The following TFCP2L1 variants were observed in gnomAD, a reference collection of about 807,000 sequenced individuals.
TFCP2L1 encodes transcription factor CP2-like protein 1.
A neutral mutation model predicts 72.2 loss-of-function variants in TFCP2L1; 12 were observed. That is an observed-to-expected ratio of 0.17 (90% CI 0.11 to 0.27). The LOEUF (loss-of-function observed/expected upper bound fraction) is 0.27. TFCP2L1 is among the 10% of genes least tolerant of loss of function. The pLI, the probability that TFCP2L1 is intolerant of heterozygous loss-of-function variation, is 1.00. For missense variants in TFCP2L1, 488 were observed against 624.6 expected, an observed-to-expected ratio of 0.78 and a Z score of 2.33; for synonymous variants, 260 against 251.0, an observed-to-expected ratio of 1.04 and a Z score of -0.34.
At position 121,224,218 on chromosome 2, in the gene TFCP2L1, T is replaced by C. The variant is rs1573351933; in HGVS notation, c.*123A>G. The C allele has an allele frequency of 9.1e-7, 1 of 1,102,330 alleles. No homozygotes were observed. The highest frequency in any genetic ancestry group is 1.3e-6 in the Non-Finnish European group (1 of 748,290). 68.3% of individuals were successfully genotyped at this position (1,102,330 alleles called of 1,614,324 possible). A position where few individuals can be genotyped will look rare whatever the true frequency, so the allele number is the denominator to read the frequency against. On this transcript the variant is annotated 3_prime_UTR_variant, in exon 15 of 15. Coordinates refer to ENST00000263707, the MANE Select transcript of TFCP2L1 (RefSeq NM_014553.3). Reference sequence around the variant, plus strand: ...TTGGTGCTCTGTAGCTTTCACAGACTGGGCAGGGTCCCTCCTGGCCTCAGC... The same window carrying C: ...TTGGTGCTCTGTAGCTTTCACAGACCGGGCAGGGTCCCTCCTGGCCTCAGC...
At chr2:121,260,402 T>C (rs1289808789) in intron 2 of TFCP2L1, among the ~76,000 whole-genome samples, 2 of 152,110 alleles carry the variant, frequency 1.3e-5, no homozygotes, top group Admixed American at 6.5e-5. Context: ...CTTGTGAGGA[T>C]TAAATGAGAT....
At position 121,224,085 on chromosome 2, in the gene TFCP2L1, C is replaced by T; in HGVS notation, c.*256G>A. On this transcript the variant is annotated 3_prime_UTR_variant, in exon 15 of 15. Coordinates refer to ENST00000263707, the MANE Select transcript of TFCP2L1 (RefSeq NM_014553.3). ...CCCTTTTAGAACGTCAGGGTTGGAC[C>T]AATAGAAAAGAACAAGGAACCATTC... 2 of 559,788 alleles carry T rather than the reference C, an allele frequency of 3.6e-6. No individual in the cohort carries two copies. The highest frequency in any genetic ancestry group is 6.4e-6 in the Non-Finnish European group (2 of 313,324). The allele number at this position is 559,788 out of a possible 1,614,324, so 34.7% of individuals were successfully genotyped here. A position where few individuals can be genotyped will look rare whatever the true frequency, so the allele number is the denominator to read the frequency against.
intron 7 of TFCP2L1, chr2:121,240,610 G>C (rs1004186199): frequency 8.1e-5 from 80 of 985,316 alleles, no homozygotes; most frequent in Non-Finnish European, 9.0e-5. Context: ...CTGTGGCAAG[G>C]GCTTGGACAG....
At chr2:121,264,602 C>T (rs560283471) in intron 2 of TFCP2L1, among the ~76,000 whole-genome samples, 50 of 152,352 alleles carry the variant, frequency 3.3e-4, no homozygotes, top group East Asian at 2.7e-3. Flanking sequence ...GCCTTGCTGT[C>T]TGCTATCTGG....
chr2:121,239,765 C>T (rs1006820403), intron 7 of TFCP2L1, 116 bp from the exon 8 acceptor site: 3 of 1,037,796 alleles, frequency 2.9e-6, no homozygotes, highest in Non-Finnish European at 4.1e-6. Context: ...ACCTGTGAAA[C>T]GCAGCCTGCG....
intron 4 of TFCP2L1, 52 bp downstream of exon 4, chr2:121,248,930 G>A: frequency 7.1e-7 from 1 of 1,408,456 alleles, no homozygotes; most frequent in Non-Finnish European, 9.6e-7. Context: ...AGAACCCAAT[G>A]TGGCCTGGGT....
chr2:121,240,110 T>C (rs1339088153), intron 7 of TFCP2L1: 23 of 984,862 alleles, frequency 2.3e-5, no homozygotes, highest in Non-Finnish European at 2.7e-5. Context: ...CCTGTGCTAT[T>C]TGAAAAAAGA....
Position 121,285,135 on chromosome 2 carries a change from G to C in TFCP2L1, c.-26C>G. 2.7e-6 allele frequency: 4 copies of C among 1,473,604 alleles called. No homozygotes were observed. The highest frequency in any genetic ancestry group is 3.6e-6 in the Non-Finnish European group (4 of 1,109,802). The allele number at this position is 1,473,604 out of a possible 1,614,324, so 91.3% of individuals were successfully genotyped here. A position where few individuals can be genotyped will look rare whatever the true frequency, so the allele number is the denominator to read the frequency against. ...GGCTGGAACTCCCAGCGCGCCGACC[G>C]GGGCGCGGCAGCAAGCGCAGACGCG... On this transcript the variant is annotated 5_prime_UTR_variant, in exon 1 of 15. Coordinates refer to ENST00000263707, the MANE Select transcript of TFCP2L1 (RefSeq NM_014553.3).
At chr2:121,267,306 C>T (rs1046561261) in intron 2 of TFCP2L1, among the ~76,000 whole-genome samples, 1 of 152,172 alleles carries the variant, frequency 6.6e-6, no homozygotes, top group Non-Finnish European at 1.5e-5. Context: ...CTATCTCAGC[C>T]TTCCAAGTAG....
chr2:121,224,754 A>G (rs1439608814), intron 14 of TFCP2L1, among the ~76,000 whole-genome samples: 2 of 151,980 alleles, frequency 1.3e-5, no homozygotes, highest in Non-Finnish European at 2.9e-5. Flanking sequence ...AGGCCAAGGC[A>G]GGCGGATCTC....
In TFCP2L1 at chr2:121,281,265, C is replaced by T; in HGVS notation, c.69G>A (p.Val23=). Residue 23 remains valine (V), a synonymous_variant, in exon 2 of 15, where the codon GTG becomes GTA. Transcript: ENST00000263707. ...CCTGCTTGAAGATGGGCAGAGCGAG[C>T]ACATCACTGCAACACACGGGAAGCA... The part of the protein sequence containing the change: ...QHNSGSYLRD[V]LALPIFKQEE... 1 of 1,601,344 alleles carries T rather than the reference C, an allele frequency of 6.2e-7. No individual in the cohort carries two copies.
At chr2:121,263,046 C>T (rs1686856560) in intron 2 of TFCP2L1, among the ~76,000 whole-genome samples, 2 of 152,104 alleles carry the variant, frequency 1.3e-5, no homozygotes, top group South Asian at 2.1e-4. Context: ...AGCAATTCTT[C>T]TGCCTCAGCC....
chr2:121,237,200 C>A (rs1002331937), intron 10 of TFCP2L1, among the ~76,000 whole-genome samples: 1 of 152,220 alleles, frequency 6.6e-6, no homozygotes, highest in Non-Finnish European at 1.5e-5. Flanking sequence ...GAAGGAAGAG[C>A]CCCCTTTCTG....
In TFCP2L1 at chr2:121,221,748, CGT is replaced by C. The variant is rs1156851030; in HGVS notation, c.*2591_*2592del. The C allele has an allele frequency of 1.3e-5, 2 of 151,974 alleles. No homozygotes were observed. Among genetic ancestry groups the C allele is most frequent in the African/African-American group, 2.4e-5 (1 of 41,364 alleles). The allele number at this position is 151,974 out of a possible 1,614,324, so 9.4% of individuals were successfully genotyped here. A position where few individuals can be genotyped will look rare whatever the true frequency, so the allele number is the denominator to read the frequency against. On this transcript the variant is annotated 3_prime_UTR_variant, in exon 15 of 15. Transcript: ENST00000263707. ...CACAAGTGACAATAGAAAAAAAATACGTATCTTGGAAATCATCAAAGTTAAAA... is the reference window on the plus strand; with the variant it reads ...CACAAGTGACAATAGAAAAAAAATACATCTTGGAAATCATCAAAGTTAAAA...
chr2:121,242,641 A>G (rs2253448), intron 6 of TFCP2L1, among the ~76,000 whole-genome samples, 172 bp from the exon 7 acceptor site: 10,476 of 152,074 alleles, frequency 0.069, 650 homozygotes, highest in East Asian at 0.29. Context: ...CACCTGAGGA[A>G]CTCGGAACCT....
intron 2 of TFCP2L1, among the ~76,000 whole-genome samples, chr2:121,253,859 C>T (rs930904025): frequency 1.3e-5 from 2 of 152,194 alleles, no homozygotes; most frequent in Admixed American, 1.3e-4. Context: ...TGCAGATGGA[C>T]ATCCAGCCAC....
At chr2:121,240,231 T>C (rs1686341015) in intron 7 of TFCP2L1, 2 of 984,956 alleles carry the variant, frequency 2.0e-6, no homozygotes, top group Non-Finnish European at 2.4e-6. Flanking sequence ...CTAAGGGAGA[T>C]CCACAAACAT....
chr2:121,276,452 A>G (rs2312201), intron 2 of TFCP2L1, among the ~76,000 whole-genome samples: 88,522 of 151,616 alleles, frequency 0.58, 26,100 homozygotes, highest in East Asian at 0.66. Context: ...GGGAAACATG[A>G]CAAAACCCCA....
chr2:121,233,727 G>A (rs917768999), intron 12 of TFCP2L1, among the ~76,000 whole-genome samples: 2 of 152,228 alleles, frequency 1.3e-5, no homozygotes, highest in African/African-American at 2.4e-5. Flanking sequence ...TGAGGTCCTC[G>A]AGAGTCTCCT....
Sources: gnomAD v4.1 joint callset for allele counts (sites outside exome capture counted in the v4.1 genomes callset) on GRCh38, gnomAD v4.1.1 for gene constraint, MANE v1.5 for transcripts, NCBI Gene and HGNC (gene_info 2026-07-23, HGNC 2026-07-21) for gene names.